The following USP8 variants were observed in gnomAD, a reference collection of about 807,000 sequenced individuals.
USP8 encodes ubiquitin carboxyl-terminal hydrolase 8.
USP8 carries 27 observed loss-of-function variants against 130.0 expected under a neutral mutation model. The ratio of observed to expected loss-of-function variants is 0.21; its 90% confidence interval spans 0.15 to 0.29. The LOEUF is 0.29. Ranked by LOEUF, USP8 falls within the 10% of genes least tolerant of loss-of-function variation. The probability of loss-of-function intolerance (pLI) is 1.00; values close to 1 mark genes in which losing one functional copy is unlikely to be tolerated. For missense variants in USP8, 1,029 were observed against 1,312.2 expected, an observed-to-expected ratio of 0.78 and a Z score of 3.33; for synonymous variants, 392 against 444.1, an observed-to-expected ratio of 0.88 and a Z score of 1.48.
chr15:50,485,973 G>T (rs1291608455), intron 12 of USP8, among the ~76,000 whole-genome samples: 1 of 152,056 alleles, frequency 6.6e-6, no homozygotes, highest in Non-Finnish European at 1.5e-5. Context: ...CACATGTTCA[G>T]TACACCCAGA....
chr15:50,463,473 A>T (rs2051080902), intron 6 of USP8: 1 of 152,246 alleles, frequency 6.6e-6, no homozygotes, highest in Non-Finnish European at 1.5e-5. Flanking sequence ...GTTGAACTTA[A>T]ACATAATTAT....
intron 1 of USP8, among the ~76,000 whole-genome samples, chr15:50,425,231 G>A (rs548979057): frequency 6.6e-6 from 1 of 152,272 alleles, no homozygotes; most frequent in Non-Finnish European, 1.5e-5. Flanking sequence ...AGAGCCTAAG[G>A]AATTTAGTAT....
At chr15:50,435,952 T>C (rs972735723) in intron 1 of USP8, among the ~76,000 whole-genome samples, 2 of 152,196 alleles carry the variant, frequency 1.3e-5, no homozygotes, top group African/African-American at 2.4e-5. Context: ...GCATCTCTTA[T>C]TATATCTGCT....
Position 50,449,979 on chromosome 15 carries a change from C to T in USP8, c.335+494C>T, listed in dbSNP as rs567416877. On this transcript the variant is annotated intron_variant, in intron 4 of 19. Coordinates refer to ENST00000307179, the MANE Select transcript of USP8 (RefSeq NM_005154.5). ...CGCGATCTCAGCTCACTGCAGACTC[C>T]GCCCCTGGGGTTCACGCCATTCTCC... Among the ~76,000 whole-genome samples, 33 of 149,410 alleles carry T rather than the reference C, an allele frequency of 2.2e-4. No homozygotes were observed. The South Asian group carries it at 5.1e-3, about 23-fold the overall frequency.
chr15:50,497,253 C>T, intron 18 of USP8, 22 bp downstream of exon 18: 1 of 1,576,986 alleles, frequency 6.3e-7, no homozygotes, highest in Non-Finnish European at 8.6e-7. Flanking sequence ...AGTTTGTCCT[C>T]CTGTTCAGTG....
chr15:50,477,519 A>G lies in USP8; in HGVS notation c.1218+20A>G, dbSNP rs773770258. On this transcript the variant is annotated intron_variant, in intron 10 of 19. Transcript: ENST00000307179. ...CCACAGGTATGTTCTTGATTTTAAC[A>G]TTATTCTCGCTTTTGTTTTAATATT... 1.3e-6 allele frequency: 2 copies of G among 1,591,238 alleles called. No individual in the cohort carries two copies. Among genetic ancestry groups the G allele is most frequent in the Non-Finnish European group, 1.7e-6 (2 of 1,166,132 alleles).
At chr15:50,462,731 C>T (rs1373873324) in intron 6 of USP8, among the ~76,000 whole-genome samples, 1 of 152,070 alleles carries the variant, frequency 6.6e-6, no homozygotes, top group Admixed American at 6.6e-5. Context: ...AACATTCTAC[C>T]TTTGTTTCCT....
At chr15:50,492,588 G>A in intron 14 of USP8, 113 bp from the exon 15 acceptor site, 5 of 1,017,576 alleles carry the variant, frequency 4.9e-6, no homozygotes, top group East Asian at 2.5e-5. Context: ...CATATTAACT[G>A]TTTACAAGAT....
intron 10 of USP8, among the ~76,000 whole-genome samples, chr15:50,478,322 C>T (rs1168236606): frequency 6.6e-6 from 1 of 152,030 alleles, no homozygotes; most frequent in Non-Finnish European, 1.5e-5. Context: ...GTTTTTATAT[C>T]CTTCATTTGG....
intron 7 of USP8, among the ~76,000 whole-genome samples, chr15:50,465,948 T>A (rs897699083): frequency 4.6e-5 from 7 of 152,216 alleles, no homozygotes; most frequent in Non-Finnish European, 8.8e-5. Flanking sequence ...AGAAACATTA[T>A]ATACACATAC....
chr15:50,481,968 A>G lies in USP8; in HGVS notation c.1706A>G (p.Glu569Gly), dbSNP rs781641995. ...HETSDAKKSV[E>G]DRGKRCPTPE... The stretch of plus-strand genomic sequence containing the variant: ...ACTTCTGATGCCAAGAAATCTGTAG[A>G]AGATAGGGGGAAAAGGTGTCCAACC... The change falls in exon 11 of 20, where the codon GAA becomes GGA. Residue 569 changes from glutamate (E) to glycine (G), a missense_variant. By Grantham distance (98) the Glu-to-Gly change is moderately conservative (BLOSUM62 -2). Transcript: ENST00000307179. The G allele has an allele frequency of 1.2e-6, 2 of 1,604,462 alleles. No homozygotes were observed. The highest frequency in any genetic ancestry group is 1.8e-5 in the Admixed American group (1 of 56,712).
chr15:50,478,264 A>G (rs1243823223), intron 10 of USP8, among the ~76,000 whole-genome samples: 3 of 152,252 alleles, frequency 2.0e-5, no homozygotes, highest in Non-Finnish European at 4.4e-5. Flanking sequence ...AACAATAATC[A>G]TGTAAAAGTT....
chr15:50,435,636 T>C (rs2050070605), intron 1 of USP8, among the ~76,000 whole-genome samples: 1 of 152,200 alleles, frequency 6.6e-6, no homozygotes, highest in East Asian at 1.9e-4. Context: ...CAAATAGCAA[T>C]TAAAACAATA....
chr15:50,440,971 A>T (rs1212599066), intron 2 of USP8, among the ~76,000 whole-genome samples: 2 of 151,052 alleles, frequency 1.3e-5, no homozygotes, highest in Non-Finnish European at 2.9e-5. Flanking sequence ...ATTGCACTCC[A>T]GCCTGGGCAA....
At chr15:50,477,205 C>T (rs759098874) in intron 9 of USP8, 71 bp from the exon 10 acceptor site, 47 of 1,385,816 alleles carry the variant, frequency 3.4e-5, no homozygotes, top group Non-Finnish European at 4.3e-5. Flanking sequence ...TGCATTAACA[C>T]GCATGAGAAA....
chr15:50,424,431 G>C lies in USP8; in HGVS notation c.-149G>C, dbSNP rs1422558255. 2.5e-6 allele frequency: 1 copy of C among 398,708 alleles called. No individual in the cohort carries two copies. The highest frequency in any genetic ancestry group is 2.1e-5 in the African/African-American group (1 of 48,772). The allele number at this position is 398,708 out of a possible 1,614,324, so 24.7% of individuals were successfully genotyped here. ...AGCTGGGCTGGCTTCCGTCCTGGTAGCCAAGGCTAATTCTCCCTCGAGTTC... is the reference window on the plus strand; with the variant it reads ...AGCTGGGCTGGCTTCCGTCCTGGTACCCAAGGCTAATTCTCCCTCGAGTTC... On this transcript the variant is annotated 5_prime_UTR_variant, in exon 1 of 20. Transcript: ENST00000307179.
intron 7 of USP8, among the ~76,000 whole-genome samples, chr15:50,467,306 T>C (rs1388276777): frequency 2.6e-5 from 4 of 152,208 alleles, no homozygotes; most frequent in Non-Finnish European, 5.9e-5. Flanking sequence ...AGATTTGGAC[T>C]ACTATGAAAC....
At position 50,501,186 on chromosome 15, in the gene USP8, A is replaced by C; in HGVS notation, c.*2098A>C. The C allele has an allele frequency of 4.4e-6, 1 of 225,614 alleles. No homozygotes were observed. The highest frequency in any genetic ancestry group is 9.1e-6 in the Non-Finnish European group (1 of 110,106). 14.0% of individuals were successfully genotyped at this position (225,614 alleles called of 1,614,324 possible). On this transcript the variant is annotated 3_prime_UTR_variant, in exon 20 of 20. Transcript: ENST00000307179. Reference sequence around the variant, plus strand: ...AATAAGAAGATAATTCAGGCCGGGCACAGTGGCTCACACCTGTAATCCCAA... The same window carrying C: ...AATAAGAAGATAATTCAGGCCGGGCCCAGTGGCTCACACCTGTAATCCCAA...
intron 10 of USP8, among the ~76,000 whole-genome samples, chr15:50,480,398 C>T (rs570476758): frequency 1.3e-5 from 2 of 152,180 alleles, no homozygotes; most frequent in African/African-American, 4.8e-5. Flanking sequence ...CCTTTTAGAG[C>T]TTATATTCTA....
Sources: gnomAD v4.1 joint callset for allele counts (sites outside exome capture counted in the v4.1 genomes callset) on GRCh38, gnomAD v4.1.1 for gene constraint, MANE v1.5 for transcripts, NCBI Gene and HGNC (gene_info 2026-07-23, HGNC 2026-07-21) for gene names.